TRDN: variants seen among roughly 807,000 people sequenced by gnomAD.
The protein encoded by TRDN is triadin.
Under a neutral mutation model 149.7 loss-of-function variants are expected in TRDN, and 161 were observed. The ratio of observed to expected loss-of-function variants is 1.08; its 90% confidence interval spans 0.95 to 1.23. The LOEUF is 1.23. Ranked by LOEUF, TRDN falls within the 50% of genes most tolerant of loss-of-function variation. The pLI, the probability that TRDN is intolerant of heterozygous loss-of-function variation, is 0.00. For synonymous variants in TRDN, 294 were observed against 250.5 expected, an observed-to-expected ratio of 1.17 and a Z score of -1.64; for missense variants, 896 against 823.5, an observed-to-expected ratio of 1.09 and a Z score of -1.08.
rs1775140139 is a variant in TRDN at position 123,221,339 on chromosome 6, A to T, written c.2050+148T>A. On this transcript the variant is annotated intron_variant, in intron 40 of 40. Coordinates refer to ENST00000334268, the MANE Select transcript of TRDN (RefSeq NM_006073.4). ...AGTGATACGCTTCTTTTTAAAATAT[A>T]AATGACCTACTTTAATGTTATTCTT... 5 of 424,620 alleles carry T rather than the reference A, an allele frequency of 1.2e-5. No homozygotes were observed. In the South Asian group the frequency reaches 1.4e-4, roughly 12 times the overall value. The allele number at this position is 424,620 out of a possible 1,614,324, so 26.3% of individuals were successfully genotyped here. A position where few individuals can be genotyped will look rare whatever the true frequency, so the allele number is the denominator to read the frequency against.
chr6:123,557,069 C>T (rs1344444070), intron 2 of TRDN, among the ~76,000 whole-genome samples: 1 of 151,684 alleles, frequency 6.6e-6, no homozygotes, highest in African/African-American at 2.4e-5. Flanking sequence ...CACCCCTGCC[C>T]GCCAGAGAAT....
intron 9 of TRDN, among the ~76,000 whole-genome samples, chr6:123,481,115 C>T (rs927323285): frequency 3.9e-5 from 6 of 152,098 alleles, no homozygotes; most frequent in African/African-American, 1.4e-4. Context: ...GCCTTACAGT[C>T]AGCTTAATGG....
chr6:123,626,902 T>TA (rs35863079), intron 1 of TRDN, among the ~76,000 whole-genome samples: 9,819 of 151,328 alleles, frequency 0.065, 1,049 homozygotes, highest in African/African-American at 0.22. Context: ...ATGTTTTTTT[T>TA]AATTTTTTAT....
intron 9 of TRDN, among the ~76,000 whole-genome samples, chr6:123,491,162 A>AAGGAAGGAAGGAAGGAAGG (rs1778202341): frequency 6.6e-6 from 1 of 151,838 alleles, no homozygotes; most frequent in Non-Finnish European, 1.5e-5. Context: ...GGAAGGAAGG[A>AAGGAAGGAAGGAAGGAAGG]AATGTTTTAT....
intron 35 of TRDN, 132 bp from the exon 36 acceptor site, chr6:123,256,034 C>T (rs1009492832): frequency 7.2e-5 from 28 of 387,040 alleles, no homozygotes; most frequent in Middle Eastern, 1.8e-3. Context: ...TGGTTTGCTG[C>T]ACCCGTCAAC....
At chr6:123,569,294 A>C (rs1335207332) in intron 2 of TRDN, among the ~76,000 whole-genome samples, 1 of 152,144 alleles carries the variant, frequency 6.6e-6, no homozygotes, top group Non-Finnish European at 1.5e-5. Context: ...TTCACTGTTC[A>C]TATCAGTATC....
intron 21 of TRDN, chr6:123,351,876 G>C: frequency 1.0e-6 from 1 of 984,902 alleles, no homozygotes; most frequent in Non-Finnish European, 1.2e-6. Flanking sequence ...AGCTCTAAGA[G>C]AAGCCACATC....
intron 5 of TRDN, among the ~76,000 whole-genome samples, chr6:123,525,990 G>A (rs1347353588): frequency 6.6e-6 from 1 of 152,026 alleles, no homozygotes; most frequent in African/African-American, 2.4e-5. Context: ...AGGATCTTGA[G>A]ATGGTGAGAT....
chr6:123,298,876 T>C (rs906675517), intron 24 of TRDN, among the ~76,000 whole-genome samples: 3 of 152,016 alleles, frequency 2.0e-5, no homozygotes, highest in East Asian at 1.9e-4. Flanking sequence ...TCATCTAGCT[T>C]TGGGATATGT....
In TRDN at chr6:123,571,028, T is replaced by C. The variant is rs367564871; in HGVS notation, c.127A>G (p.Thr43Ala). Residue 43 changes from threonine (T) to alanine (A), a missense_variant, in exon 2 of 41, where the codon ACG (threonine) becomes GCG (alanine). Transcript: ENST00000334268. Reference sequence around the variant, plus strand: ...AGCCAGGCTGCAGGGGAGCTGAACGTCGTCACTATGTCTTCTGTGACTGTC... The same window carrying C: ...AGCCAGGCTGCAGGGGAGCTGAACGCCGTCACTATGTCTTCTGTGACTGTC... Reference protein sequence around the residue: ...KRTVTEDIVTTFSSPAAWLLV... With the variant: ...KRTVTEDIVTAFSSPAAWLLV... 6.1e-5 allele frequency: 98 copies of C among 1,613,890 alleles called. No homozygotes were observed. Among genetic ancestry groups the C allele is most frequent in the Non-Finnish European group, 8.1e-5 (96 of 1,179,888 alleles).
chr6:123,594,858 T>C (rs1583300760), intron 1 of TRDN, among the ~76,000 whole-genome samples: 1 of 151,982 alleles, frequency 6.6e-6, no homozygotes, highest in East Asian at 1.9e-4. Context: ...AAATTCTAAG[T>C]TGTGAAAGGA....
At chr6:123,422,183 C>A (rs906380396) in intron 12 of TRDN, among the ~76,000 whole-genome samples, 1 of 151,992 alleles carries the variant, frequency 6.6e-6, no homozygotes, top group Admixed American at 6.6e-5. Flanking sequence ...ACCTGAACAT[C>A]CTTGGATTTT....
At position 123,580,965 on chromosome 6, in the gene TRDN, C is replaced by A. The variant is rs570481573; in HGVS notation, c.23-9833G>T. 9.3e-4 allele frequency among the ~76,000 whole-genome samples: 141 copies of A among 152,274 alleles called. 1 individual carries two copies. Among genetic ancestry groups the A allele is most frequent in the South Asian group, 1.7e-3 (8 of 4,824 alleles). On this transcript the variant is annotated intron_variant, in intron 1 of 40. Transcript: ENST00000334268. The stretch of plus-strand genomic sequence containing the variant: ...TTTTTATTATTTCTAGAGACAGGGT[C>A]TCGCTGTATTGCCTAGGCTGGTCTC...
chr6:123,371,930 T>C (rs1781342241), intron 19 of TRDN, among the ~76,000 whole-genome samples: 1 of 152,142 alleles, frequency 6.6e-6, no homozygotes, highest in Admixed American at 6.6e-5. Context: ...TTAGTAATTA[T>C]ATAATATATT....
chr6:123,265,004 C>T (rs1776890773), intron 33 of TRDN, among the ~76,000 whole-genome samples: 1 of 151,932 alleles, frequency 6.6e-6, no homozygotes, highest in East Asian at 1.9e-4. Flanking sequence ...TGCAATACCC[C>T]CGAGGTATGC....
At chr6:123,332,755 C>A (rs1779708994) in intron 22 of TRDN, among the ~76,000 whole-genome samples, 1 of 151,900 alleles carries the variant, frequency 6.6e-6, no homozygotes, top group Non-Finnish European at 1.5e-5. Flanking sequence ...TTTTTCTATT[C>A]CCACCATATT....
intron 9 of TRDN, among the ~76,000 whole-genome samples, chr6:123,466,557 G>C (rs2114717490): frequency 6.6e-6 from 1 of 151,520 alleles, no homozygotes; most frequent in South Asian, 2.1e-4. Context: ...AGGAGTCCAT[G>C]ACTATAGCTG....
At chr6:123,582,873 T>C (rs1426941383) in intron 1 of TRDN, among the ~76,000 whole-genome samples, 2 of 151,484 alleles carry the variant, frequency 1.3e-5, no homozygotes, top group African/African-American at 2.4e-5. Context: ...TGGGGGGGCG[T>C]GGGAACCTAG....
In TRDN at chr6:123,351,985, C is replaced by G. The variant is rs981834727; in HGVS notation, c.1369+554G>C. 1.3e-5 allele frequency: 13 copies of G among 975,354 alleles called. No homozygotes were observed. The African/African-American group carries it at 2.3e-4, about 17-fold the overall frequency. The allele number at this position is 975,354 out of a possible 1,614,324, so 60.4% of individuals were successfully genotyped here. A position where few individuals can be genotyped will look rare whatever the true frequency, so the allele number is the denominator to read the frequency against. On this transcript the variant is annotated intron_variant, in intron 21 of 40. Transcript: ENST00000334268. ...TAACTACATAAATACAAATAAAATGCATTAACTATTTTATACCATTATGAT... is the reference window on the plus strand; with the variant it reads ...TAACTACATAAATACAAATAAAATGGATTAACTATTTTATACCATTATGAT...
Sources: allele counts gnomAD v4.1 joint callset (sites outside exome capture counted in the v4.1 genomes callset), GRCh38; gene constraint gnomAD v4.1.1; transcripts MANE v1.5; gene names NCBI Gene and HGNC (gene_info 2026-07-23, HGNC 2026-07-21).